Variants in CREB1 observed in about 807,000 individuals in gnomAD.
CREB1 encodes the protein cyclic AMP-responsive element-binding protein 1.
Under a neutral mutation model 42.0 loss-of-function variants are expected in CREB1, and 2 were observed. The observed-to-expected ratio is 0.05, with a 90% CI of 0.02 to 0.15. The LOEUF is 0.15. Ranked by LOEUF, CREB1 falls within the 10% of genes least tolerant of loss-of-function variation. The pLI, the probability that CREB1 is intolerant of heterozygous loss-of-function variation, is 1.00. For missense variants in CREB1, 199 were observed against 388.9 expected (o/e 0.51, Z 4.11); for synonymous variants, 123 against 139.9 (o/e 0.88, Z 0.85).
chr2:207,561,261 T>C, intron 3 of CREB1: 1 of 1,065,250 alleles, frequency 9.4e-7, no homozygotes, highest in Non-Finnish European at 1.4e-6. Context: ...ACATGGAATT[T>C]CAACACTTGA....
intron 1 of CREB1, among the ~76,000 whole-genome samples, chr2:207,536,530 G>T (rs1574753781): frequency 1.3e-5 from 2 of 152,276 alleles, no homozygotes; most frequent in South Asian, 4.2e-4. Context: ...ACGCCAGGCT[G>T]GGCGACAAGA....
At chr2:207,590,640 A>C (rs961362614) in intron 7 of CREB1, among the ~76,000 whole-genome samples, 27 of 152,098 alleles carry the variant, frequency 1.8e-4, no homozygotes, top group African/African-American at 6.5e-4. Context: ...CAGTTTGGCA[A>C]ATCTTTTGTA....
At chr2:207,535,303 CTT>C (rs903314156) in intron 1 of CREB1, among the ~76,000 whole-genome samples, 7 of 152,140 alleles carry the variant, frequency 4.6e-5, no homozygotes, top group African/African-American at 9.7e-5. Context: ...GAATTTAACT[CTT>C]TTGTTGAGGT....
chr2:207,574,021 G>A (rs2082476684), intron 5 of CREB1, among the ~76,000 whole-genome samples: 1 of 152,110 alleles, frequency 6.6e-6, no homozygotes, highest in South Asian at 2.1e-4. Context: ...TAAAACTTCT[G>A]GGATTAGCTA....
At chr2:207,539,355 T>C (rs2081004253) in intron 1 of CREB1, among the ~76,000 whole-genome samples, 1 of 152,028 alleles carries the variant, frequency 6.6e-6, no homozygotes, top group Admixed American at 6.6e-5. Context: ...ATTTGTACTC[T>C]TAAAGGGGAG....
chr2:207,532,429 C>T (rs1305558959), intron 1 of CREB1, among the ~76,000 whole-genome samples: 1 of 151,880 alleles, frequency 6.6e-6, no homozygotes, highest in Non-Finnish European at 1.5e-5. Flanking sequence ...AATCCCAGCA[C>T]TTTGGGAAGC....
chr2:207,575,458 A>G lies in CREB1; in HGVS notation c.688+4A>G. On this transcript the variant is annotated splice_donor_region_variant and intron_variant, in intron 6 of 7. Transcript: ENST00000353267. ...AGCAACCAAGTTGTTGTTCAAGGTA[A>G]GGGAATTCAGAATTCACAGGTGTGG... 1 of 1,600,672 alleles carries G rather than the reference A, an allele frequency of 6.2e-7. No individual in the cohort carries two copies. The highest frequency in any genetic ancestry group is 8.5e-7 in the Non-Finnish European group (1 of 1,170,168).
At chr2:207,596,850 G>C (rs1278960729) in intron 7 of CREB1, 64 bp from the exon 8 acceptor site, 2 of 1,549,434 alleles carry the variant, frequency 1.3e-6, no homozygotes, top group African/African-American at 1.4e-5. Flanking sequence ...AAAAAAAAAA[G>C]GTAATCCAAA....
intron 1 of CREB1, among the ~76,000 whole-genome samples, chr2:207,546,626 C>A (rs2106400497): frequency 6.6e-6 from 1 of 152,106 alleles, no homozygotes; most frequent in South Asian, 2.1e-4. Context: ...ACTTGGGAGA[C>A]TGAGGCAAGA....
At chr2:207,596,409 G>C (rs2086165876) in intron 7 of CREB1, among the ~76,000 whole-genome samples, 1 of 152,126 alleles carries the variant, frequency 6.6e-6, no homozygotes, top group Admixed American at 6.5e-5. Context: ...TGGTCATTTA[G>C]GTCTTGTTTG....
At chr2:207,577,915 C>T (rs1574884153) in intron 7 of CREB1, 1 of 437,050 alleles carries the variant, frequency 2.3e-6, no homozygotes, top group East Asian at 4.7e-5. Flanking sequence ...GCACAACTTC[C>T]CTATGTCTGC....
chr2:207,565,036 A>G (rs376770740), intron 3 of CREB1, among the ~76,000 whole-genome samples: 36 of 146,598 alleles, frequency 2.5e-4, no homozygotes, highest in Admixed American at 9.5e-4. Context: ...TGGGTCCAGT[A>G]TGTTTTTTTT....
intron 3 of CREB1, among the ~76,000 whole-genome samples, chr2:207,566,904 G>T (rs1217396315): frequency 6.6e-6 from 1 of 151,984 alleles, no homozygotes; most frequent in Non-Finnish European, 1.5e-5. Flanking sequence ...GAAAAGCATA[G>T]TTCTTTACCT....
chr2:207,587,420 AAC>A (rs1308977338), intron 7 of CREB1, among the ~76,000 whole-genome samples: 2 of 152,000 alleles, frequency 1.3e-5, no homozygotes, highest in Non-Finnish European at 1.5e-5. Context: ...AAAAGAAAAA[AAC>A]ACACAAAAAA....
intron 2 of CREB1, 89 bp downstream of exon 2, chr2:207,555,838 C>T: frequency 1.3e-6 from 1 of 760,018 alleles, no homozygotes; most frequent in Non-Finnish European, 2.2e-6. Flanking sequence ...CATAGATATA[C>T]ATAGAATGAG....
chr2:207,561,140 A>G, intron 3 of CREB1: 1 of 1,613,506 alleles, frequency 6.2e-7, no homozygotes, highest in Non-Finnish European at 8.5e-7. Flanking sequence ...GGACTTAAAA[A>G]GACTTTTCTC....
At chr2:207,588,862 TTTAC>T (rs1440431314) in intron 7 of CREB1, among the ~76,000 whole-genome samples, 1 of 143,140 alleles carries the variant, frequency 7.0e-6, no homozygotes, top group Non-Finnish European at 1.5e-5. Flanking sequence ...CCATTCTAAA[TTTAC>T]TTATTAGTTC....
At chr2:207,578,029 A>G in intron 7 of CREB1, 1 of 194,958 alleles carries the variant, frequency 5.1e-6, no homozygotes, top group Non-Finnish European at 1.1e-5. Context: ...TGTGTGTTAA[A>G]TTTTATCTAT....
chr2:207,567,748 C>T (rs570110449), intron 4 of CREB1, 185 bp downstream of exon 4: 25 of 410,760 alleles, frequency 6.1e-5, no homozygotes, highest in Non-Finnish European at 9.2e-5. Flanking sequence ...GCACTTGTTA[C>T]TCTCACCAGT....
Sources: allele counts gnomAD v4.1 joint callset (sites outside exome capture counted in the v4.1 genomes callset), GRCh38; gene constraint gnomAD v4.1.1; transcripts MANE v1.5; gene names NCBI Gene and HGNC (gene_info 2026-07-23, HGNC 2026-07-21).